The following GRID2 variants were observed in gnomAD, a reference collection of about 807,000 sequenced individuals.
The protein encoded by GRID2 is glutamate ionotropic receptor delta type subunit 2.
A neutral mutation model predicts 114.8 loss-of-function variants in GRID2; 33 were observed. That is an observed-to-expected ratio of 0.29 (90% CI 0.22 to 0.38). The LOEUF (loss-of-function observed/expected upper bound fraction) is 0.38, where lower values mean the gene tolerates loss of function less well. Ranked by LOEUF, GRID2 falls within the 10% of genes least tolerant of loss-of-function variation. The pLI, the probability that GRID2 is intolerant of heterozygous loss-of-function variation, is 1.00. For missense variants in GRID2, 1,184 were observed against 1,257.7 expected, an observed-to-expected ratio of 0.94 and a Z score of 0.89; for synonymous variants, 505 against 449.9, an observed-to-expected ratio of 1.12 and a Z score of -1.55.
chr4:93,685,409 G>A (rs925077198), intron 14 of GRID2, among the ~76,000 whole-genome samples: 1 of 152,046 alleles, frequency 6.6e-6, no homozygotes, highest in African/African-American at 2.4e-5. Flanking sequence ...TCCTGGAACT[G>A]AGCCAGGTTC....
chr4:93,116,934 G>A (rs947531252), intron 4 of GRID2, among the ~76,000 whole-genome samples: 1 of 151,980 alleles, frequency 6.6e-6, no homozygotes, highest in East Asian at 1.9e-4. Flanking sequence ...ATTTCCCCTA[G>A]GAGCAGTGAT....
intron 1 of GRID2, among the ~76,000 whole-genome samples, chr4:92,577,837 G>C (rs539095470): frequency 7.9e-5 from 12 of 152,022 alleles, no homozygotes; most frequent in Non-Finnish European, 1.6e-4. Flanking sequence ...TTTTGTCAAA[G>C]GAAAAACAAT....
chr4:92,645,129 C>T lies in GRID2; in HGVS notation c.244+54843C>T, dbSNP rs565076668. Reference sequence around the variant, plus strand: ...TAAACTTTCAATCTTCCTGTAAGTTCTATATTTTATAAAATATATATTAAA... The same window carrying T: ...TAAACTTTCAATCTTCCTGTAAGTTTTATATTTTATAAAATATATATTAAA... On this transcript the variant is annotated intron_variant, in intron 2 of 15. Coordinates refer to ENST00000282020, the MANE Select transcript of GRID2 (RefSeq NM_001510.4). 1.8e-4 allele frequency among the ~76,000 whole-genome samples: 27 copies of T among 151,532 alleles called. 1 individual carries two copies. The South Asian group carries it at 4.8e-3, about 27-fold the overall frequency.
intron 13 of GRID2, among the ~76,000 whole-genome samples, chr4:93,622,144 A>G (rs1252112154): frequency 2.0e-5 from 3 of 152,146 alleles, no homozygotes; most frequent in Non-Finnish European, 4.4e-5. Context: ...ATCACTGTAA[A>G]TTTAGACCTA....
At chr4:92,326,669 G>A (rs1467240216) in intron 1 of GRID2, among the ~76,000 whole-genome samples, 1 of 151,892 alleles carries the variant, frequency 6.6e-6, no homozygotes, top group Non-Finnish European at 1.5e-5. Flanking sequence ...AATCATTGTT[G>A]CAAGCACTTT....
chr4:92,617,860 G>GTGTTGT (rs199877203), intron 2 of GRID2, among the ~76,000 whole-genome samples: 6,970 of 151,434 alleles, frequency 0.046, 195 homozygotes, highest in East Asian at 0.093. Context: ...AGACGATTTT[G>GTGTTGT]TGTTGTTGTT....
At chr4:93,708,932 A>G (rs1728241747) in intron 14 of GRID2, among the ~76,000 whole-genome samples, 1 of 152,204 alleles carries the variant, frequency 6.6e-6, no homozygotes, top group South Asian at 2.1e-4. Flanking sequence ...TTTTAAACTG[A>G]TGATAACACT....
At chr4:92,690,229 C>T (rs1734111705) in intron 2 of GRID2, among the ~76,000 whole-genome samples, 2 of 151,760 alleles carry the variant, frequency 1.3e-5, no homozygotes. Context: ...AAGTATATGA[C>T]TCTTCAGTTG....
chr4:93,785,265 C>T (rs922560272), intron 1 of GRID2, among the ~76,000 whole-genome samples: 5 of 152,092 alleles, frequency 3.3e-5, no homozygotes, highest in East Asian at 1.9e-4. Flanking sequence ...GGAAATGTGA[C>T]GGTGTTTGCA....
In GRID2 at chr4:93,143,909, G is replaced by T. The variant is rs111343600; in HGVS notation, c.735+32956G>T. Among the ~76,000 whole-genome samples the T allele has an allele frequency of 1.5e-3, 233 of 152,116 alleles. 2 individuals are homozygous for T. Among genetic ancestry groups the T allele is most frequent in the African/African-American group, 5.3e-3 (218 of 41,496 alleles). On this transcript the variant is annotated intron_variant, in intron 4 of 15. Coordinates refer to ENST00000282020, the MANE Select transcript of GRID2 (RefSeq NM_001510.4). The stretch of plus-strand genomic sequence containing the variant: ...ATTTTTTTTTCTATATAGATTTTAA[G>T]AAGTTTTTCTTAAAGGACATTACAA...
chr4:93,179,847 C>T (rs1018154936), intron 4 of GRID2, among the ~76,000 whole-genome samples: 1 of 152,138 alleles, frequency 6.6e-6, no homozygotes, highest in Non-Finnish European at 1.5e-5. Flanking sequence ...GGGACTGATG[C>T]ATAAACTTGG....
intron 13 of GRID2, among the ~76,000 whole-genome samples, chr4:93,594,379 C>G (rs1738789985): frequency 6.6e-6 from 1 of 152,192 alleles, no homozygotes; most frequent in South Asian, 2.1e-4. Context: ...GGTCAGGGGT[C>G]AGGGACCCAC....
intron 13 of GRID2, among the ~76,000 whole-genome samples, chr4:93,581,787 T>C (rs559921794): frequency 5.9e-5 from 9 of 152,302 alleles, no homozygotes; most frequent in African/African-American, 2.2e-4. Context: ...CTATCAATCC[T>C]GCATTATTGA....
chr4:92,998,113 ATACTC>A (rs1755318047), intron 2 of GRID2, among the ~76,000 whole-genome samples: 1 of 152,104 alleles, frequency 6.6e-6, no homozygotes, highest in South Asian at 2.1e-4. Context: ...TTGACAGTTC[ATACTC>A]TACTCTAAAA....
At chr4:92,615,214 G>A (rs1381314852) in intron 2 of GRID2, among the ~76,000 whole-genome samples, 1 of 151,414 alleles carries the variant, frequency 6.6e-6, no homozygotes, top group Non-Finnish European at 1.5e-5. Context: ...ATACCGAGGT[G>A]GGGTGGGGCA....
At chr4:92,415,740 G>GTGTGTA (rs1459039400) in intron 1 of GRID2, among the ~76,000 whole-genome samples, 21 of 82,200 alleles carry the variant, frequency 2.6e-4, no homozygotes, top group African/African-American at 7.0e-4. Context: ...GTGTATGTGT[G>GTGTGTA]TATATATATA....
intron 8 of GRID2, among the ~76,000 whole-genome samples, chr4:93,373,452 G>A (rs1449965348): frequency 6.6e-6 from 1 of 151,976 alleles, no homozygotes; most frequent in East Asian, 1.9e-4. Context: ...TATGTATACT[G>A]TGGTCTTACT....
intron 1 of GRID2, among the ~76,000 whole-genome samples, chr4:92,372,898 AATT>A (rs766376058): frequency 5.6e-4 from 85 of 152,184 alleles, no homozygotes; most frequent in Non-Finnish European, 1.2e-3. Flanking sequence ...TGATTCCGAA[AATT>A]ATTATTCTTA....
intron 4 of GRID2, among the ~76,000 whole-genome samples, chr4:93,191,286 G>A (rs1740956550): frequency 6.6e-6 from 1 of 151,946 alleles, no homozygotes; most frequent in Admixed American, 6.6e-5. Flanking sequence ...AGGATCAGTT[G>A]GTAAGAAATG....
Sources: gnomAD v4.1 joint callset for allele counts (sites outside exome capture counted in the v4.1 genomes callset) on GRCh38, gnomAD v4.1.1 for gene constraint, MANE v1.5 for transcripts, NCBI Gene and HGNC (gene_info 2026-07-23, HGNC 2026-07-21) for gene names.